Variants in PLGRKT observed in about 807,000 individuals in gnomAD.
The protein encoded by PLGRKT is plasminogen receptor (KT).
In PLGRKT, 22 loss-of-function variants were observed where a neutral mutation model predicts 18.5. That is an observed-to-expected ratio of 1.19 (90% confidence interval 0.85 to 1.70). The LOEUF is 1.70. Among genes scored for constraint, PLGRKT ranks in the 40% most tolerant of loss-of-function variants. The probability of loss-of-function intolerance (pLI) is 0.00; values close to 1 mark genes in which losing one functional copy is unlikely to be tolerated. For missense variants in PLGRKT, 235 were observed against 174.4 expected, an observed-to-expected ratio of 1.35 and a Z score of -1.96; for synonymous variants, 72 against 52.8, an observed-to-expected ratio of 1.36 and a Z score of -1.58.
intron 3 of PLGRKT, among the ~76,000 whole-genome samples, chr9:5,415,229 G>C (rs1818437824): frequency 6.6e-6 from 1 of 152,184 alleles, no homozygotes; most frequent in Admixed American, 6.5e-5. Context: ...GTTGGTCAAA[G>C]TCAAGGCTGA....
At chr9:5,399,531 T>C (rs1240276216) in intron 3 of PLGRKT, among the ~76,000 whole-genome samples, 1 of 151,952 alleles carries the variant, frequency 6.6e-6, no homozygotes, top group African/African-American at 2.4e-5. Context: ...GCTCTAATGT[T>C]ATATTTATTA....
rs1817252968 is a variant in PLGRKT, at chr9:5,361,097, G to A, written c.303C>T (p.Thr101=). The change falls in exon 5 of 6, where the codon ACC becomes ACT. Residue 101 remains threonine, a synonymous_variant. Coordinates refer to ENST00000223864, the MANE Select transcript of PLGRKT (RefSeq NM_018465.4). ...ACTTACCTTTCATTCTTTCTAAAAG[G>A]GTTCCATAGCCCAAGTCATACTGGT... ...LTYQYDLGYG[T]LLERMKGEAE... 6.4e-7 allele frequency: 1 copy of A among 1,561,788 alleles called. No homozygotes were observed. The highest frequency in any genetic ancestry group is 8.8e-7 in the Non-Finnish European group (1 of 1,134,450).
At chr9:5,424,004 TATTTC>T (rs1299881003) in intron 3 of PLGRKT, among the ~76,000 whole-genome samples, 2 of 139,226 alleles carry the variant, frequency 1.4e-5, no homozygotes, top group Admixed American at 7.4e-5. Flanking sequence ...TATATGTATT[TATTTC>T]ATCTATTATA....
intron 3 of PLGRKT, among the ~76,000 whole-genome samples, chr9:5,402,887 C>A (rs1048549258): frequency 6.6e-6 from 1 of 151,696 alleles, no homozygotes; most frequent in African/African-American, 2.4e-5. Context: ...AAAGTAAATA[C>A]TAAGTATTGA....
chr9:5,415,111 G>A (rs10758687), intron 3 of PLGRKT, among the ~76,000 whole-genome samples: 1 of 151,910 alleles, frequency 6.6e-6, no homozygotes, highest in Non-Finnish European at 1.5e-5. Context: ...TCCAGGCCTG[G>A]AGCAGGAACA....
At chr9:5,396,236 T>G (rs1818046185) in intron 3 of PLGRKT, among the ~76,000 whole-genome samples, 1 of 151,746 alleles carries the variant, frequency 6.6e-6, no homozygotes, top group South Asian at 2.1e-4. Context: ...TGAAAGACTC[T>G]CTCAAGTGGA....
intron 3 of PLGRKT, among the ~76,000 whole-genome samples, chr9:5,408,276 T>C (rs1818293621): frequency 6.6e-6 from 1 of 152,146 alleles, no homozygotes; most frequent in Non-Finnish European, 1.5e-5. Context: ...CAAATGCTGA[T>C]AGTGATATGG....
At chr9:5,408,628 G>C (rs1818302814) in intron 3 of PLGRKT, among the ~76,000 whole-genome samples, 1 of 152,220 alleles carries the variant, frequency 6.6e-6, no homozygotes. Flanking sequence ...GCCCATTTCT[G>C]GGTGAAGAAT....
intron 3 of PLGRKT, among the ~76,000 whole-genome samples, chr9:5,396,729 AG>A (rs138770672): frequency 0.014 from 2,171 of 152,182 alleles, 97 homozygotes; most frequent in African/African-American, 0.049. Flanking sequence ...AAAACCTAGC[AG>A]AAAACAGTTT....
chr9:5,414,466 A>G (rs1487053667), intron 3 of PLGRKT, among the ~76,000 whole-genome samples: 1 of 152,140 alleles, frequency 6.6e-6, no homozygotes, highest in Non-Finnish European at 1.5e-5. Context: ...CCGTGAATGT[A>G]TCTTTTTTAT....
At chr9:5,410,090 G>C (rs114161273) in intron 3 of PLGRKT, among the ~76,000 whole-genome samples, 2,671 of 152,150 alleles carry the variant, frequency 0.018, 64 homozygotes, top group African/African-American at 0.055. Flanking sequence ...TTAAAAGCAA[G>C]AAAAATTGCT....
chr9:5,360,593 G>C (rs1817241761), intron 5 of PLGRKT, among the ~76,000 whole-genome samples: 1 of 152,094 alleles, frequency 6.6e-6, no homozygotes, highest in African/African-American at 2.4e-5. Flanking sequence ...TTCCCACCAA[G>C]ACCAACTTCA....
In PLGRKT at chr9:5,425,584, C is replaced by T. The variant is rs894461691; in HGVS notation, c.81+6313G>A. Among the ~76,000 whole-genome samples the T allele has an allele frequency of 3.3e-5, 5 of 152,042 alleles. No homozygotes were observed. The East Asian group carries it at 5.8e-4, about 18-fold the overall frequency. ...CACCAATTATAATTATGTAGCATCA[C>T]AGAAAAAGAAGGGAAAAAATGTTTC... is the stretch of plus-strand genomic sequence containing the variant. On this transcript the variant is annotated intron_variant, in intron 3 of 5. Coordinates refer to ENST00000223864, the MANE Select transcript of PLGRKT (RefSeq NM_018465.4).
rs1424854521 is a variant in PLGRKT, at chr9:5,418,826, G to A, written c.81+13071C>T. ...AGCTTGGTGACACCGCTGCACCAGG[G>A]GCATCGCACATCCTTCTGGCTGGTC... On this transcript the variant is annotated intron_variant, in intron 3 of 5. Transcript: ENST00000223864. This position sits in a 1 kb window ranked among gnomAD's most constrained non-coding sequence, Gnocchi z 4.2. The A allele has an allele frequency of 9.9e-7, 1 of 1,005,416 alleles. No homozygotes were observed. The allele number at this position is 1,005,416 out of a possible 1,614,324, so 62.3% of individuals were successfully genotyped here. A position where few individuals can be genotyped will look rare whatever the true frequency, so the allele number is the denominator to read the frequency against.
chr9:5,435,585 G>A (rs1040240247), intron 2 of PLGRKT, among the ~76,000 whole-genome samples: 2 of 152,226 alleles, frequency 1.3e-5, no homozygotes, highest in Admixed American at 6.5e-5. Flanking sequence ...GCACAGTAGT[G>A]TCTATCTTAT....
At chr9:5,435,769 T>C (rs1211257159) in intron 2 of PLGRKT, among the ~76,000 whole-genome samples, 1 of 152,218 alleles carries the variant, frequency 6.6e-6, no homozygotes, top group African/African-American at 2.4e-5. Context: ...TGCTGATACC[T>C]TTTCTCTTTA....
rs1818964326 is a variant in PLGRKT at position 5,436,604 on chromosome 9, G to C, written c.-42C>G. On this transcript the variant is annotated 5_prime_UTR_variant, in exon 2 of 6. Coordinates refer to ENST00000223864, the MANE Select transcript of PLGRKT (RefSeq NM_018465.4). ...GCCTTGCTCTCCTGGGTCTGGACTTGTAGTCTGAATGTGTTAGAGGACGCT... is the reference window on the plus strand; with the variant it reads ...GCCTTGCTCTCCTGGGTCTGGACTTCTAGTCTGAATGTGTTAGAGGACGCT... 1 of 152,266 alleles carries C rather than the reference G, an allele frequency of 6.6e-6. No homozygotes were observed. Among genetic ancestry groups the C allele is most frequent in the Admixed American group, 6.5e-5 (1 of 15,286 alleles). The allele number at this position is 152,266 out of a possible 1,614,324, so 9.4% of individuals were successfully genotyped here. A position where few individuals can be genotyped will look rare whatever the true frequency, so the allele number is the denominator to read the frequency against.
At chr9:5,366,367 C>T (rs904309966) in intron 3 of PLGRKT, among the ~76,000 whole-genome samples, 3 of 152,090 alleles carry the variant, frequency 2.0e-5, no homozygotes, top group African/African-American at 4.8e-5. Flanking sequence ...AATTCTTTAT[C>T]GTATTTTAAA....
At chr9:5,430,313 C>G (rs1818796404) in intron 3 of PLGRKT, among the ~76,000 whole-genome samples, 1 of 152,224 alleles carries the variant, frequency 6.6e-6, no homozygotes, top group Admixed American at 6.5e-5. Context: ...TTCCAAAGGT[C>G]TTTGACAAGG....
Sources: allele counts gnomAD v4.1 joint callset (sites outside exome capture counted in the v4.1 genomes callset), GRCh38; gene constraint gnomAD v4.1.1; non-coding constraint Gnocchi (gnomAD v3.1); transcripts MANE v1.5; gene names NCBI Gene and HGNC (gene_info 2026-07-23, HGNC 2026-07-21).